Variants in SEMA3A observed in about 807,000 individuals in gnomAD.
SEMA3A encodes the protein semaphorin-3A.
Under a neutral mutation model 97.9 loss-of-function variants are expected in SEMA3A, and 29 were observed. That is an observed-to-expected ratio of 0.30 (90% CI 0.22 to 0.40). SEMA3A has a LOEUF of 0.40. Ranked by LOEUF, SEMA3A falls within the 10% of genes least tolerant of loss-of-function variation. The pLI, the probability that SEMA3A is intolerant of heterozygous loss-of-function variation, is 1.00. For synonymous variants in SEMA3A, 321 were observed against 323.7 expected, an observed-to-expected ratio of 0.99 and a Z score of 0.09; for missense variants, 763 against 951.3, an observed-to-expected ratio of 0.80 and a Z score of 2.60.
intron 3 of SEMA3A, among the ~76,000 whole-genome samples, chr7:84,292,894 T>C (rs1357401245): frequency 6.6e-6 from 1 of 152,122 alleles, no homozygotes; most frequent in Non-Finnish European, 1.5e-5. Flanking sequence ...TGCCCTATTC[T>C]CTGAAAGTTT....
At chr7:84,248,891 ACTGCTCCTCAGAGACTGCAT>A (rs1799536190) in intron 3 of SEMA3A, among the ~76,000 whole-genome samples, 1 of 152,070 alleles carries the variant, frequency 6.6e-6, no homozygotes, top group African/African-American at 2.4e-5. Flanking sequence ...CAGGAAACTT[ACTGCTCCTCAGAGACTGCAT>A]CTTCCCTCAT....
At chr7:84,325,121 AT>A (rs1456140450) in intron 2 of SEMA3A, among the ~76,000 whole-genome samples, 1 of 48,722 alleles carries the variant, frequency 2.1e-5, no homozygotes, top group Non-Finnish European at 5.2e-5. Context: ...ATATATCTCT[AT>A]CTATCTATCT....
In SEMA3A at chr7:83,963,347, T is replaced by C; in HGVS notation, c.1718A>G (p.Asp573Gly). The C allele has an allele frequency of 6.2e-7, 1 of 1,611,800 alleles. No individual in the cohort carries two copies. Among genetic ancestry groups the C allele is most frequent in the Non-Finnish European group, 8.5e-7 (1 of 1,178,904 alleles). The change falls in exon 16 of 17, where the codon GAT becomes GGT. Residue 573 changes from aspartate (D) to glycine (G), a missense_variant and splice_region_variant. Physicochemically the swap from Asp to Gly is moderately conservative, Grantham distance 94. Around this residue, in one of 2 missense-constraint regions of SEMA3A, gnomAD observed 678 missense variants for 881.3 expected, o/e 0.77. Transcript: ENST00000265362. Reference sequence around the variant, plus strand: ...TTCAGGGCTGTGGCCATGGTGATTATCTGGCCAGTGATGAGAAAATGCAAT... The same window carrying C: ...TTCAGGGCTGTGGCCATGGTGATTACCTGGCCAGTGATGAGAAAATGCAAT... ...PLTHCSDLHHDNHHGHSPEER... is the reference protein window; with the variant it reads ...PLTHCSDLHHGNHHGHSPEER...
At chr7:84,340,832 A>G (rs1396663461) in intron 2 of SEMA3A, among the ~76,000 whole-genome samples, 1 of 151,992 alleles carries the variant, frequency 6.6e-6, no homozygotes, top group Non-Finnish European at 1.5e-5. Context: ...AATACATCAA[A>G]GTATACATAT....
intron 1 of SEMA3A, among the ~76,000 whole-genome samples, chr7:84,172,277 C>CAT: frequency 6.6e-6 from 1 of 152,136 alleles, no homozygotes; most frequent in Non-Finnish European, 1.5e-5. Context: ...ATATTGTGTA[C>CAT]ATATATATAA....
Position 83,999,154 on chromosome 7 carries a change from A to G in SEMA3A, c.1452+2801T>C, listed in dbSNP as rs376044250. Reference sequence around the variant, plus strand: ...ATTATAATCTTATGGGACCACTGTCATATGTGGGATTTATTCTTGTCCATA... The same window carrying G: ...ATTATAATCTTATGGGACCACTGTCGTATGTGGGATTTATTCTTGTCCATA... On this transcript the variant is annotated intron_variant, in intron 12 of 16. Transcript: ENST00000265362. Among the ~76,000 whole-genome samples the G allele has an allele frequency of 2.0e-4, 31 of 152,254 alleles. No homozygotes were observed. In the East Asian group the frequency reaches 3.5e-3, roughly 17 times the overall value.
At chr7:84,135,099 A>G (rs994732656) in intron 1 of SEMA3A, 148 bp from the exon 2 acceptor site, 1 of 524,336 alleles carries the variant, frequency 1.9e-6, no homozygotes, top group African/African-American at 2.0e-5. Context: ...TATTGGAACC[A>G]AAATGTGTGC....
At chr7:84,292,618 A>G (rs1223096683) in intron 3 of SEMA3A, among the ~76,000 whole-genome samples, 1 of 152,044 alleles carries the variant, frequency 6.6e-6, no homozygotes, top group African/African-American at 2.4e-5. Context: ...TGTAGGAGGT[A>G]GAAAATGCAC....
Position 84,482,526 on chromosome 7 carries a change from A to G in SEMA3A, c.-246+9934T>C, listed in dbSNP as rs567088016. Among the ~76,000 whole-genome samples the G allele has an allele frequency of 2.5e-3, 385 of 152,294 alleles. 1 individual carries two copies. The highest frequency in any genetic ancestry group is 4.9e-3 in the Non-Finnish European group (336 of 68,026). ...CTGTTCAACCCAGGGCCCTTCCTAA[A>G]AAAACAGTTGGAGTCAGTCTTTAAA... On this transcript the variant is annotated intron_variant, in intron 1 of 3. Coordinates refer to the SEMA3A transcript ENST00000424555.
At chr7:84,006,331 T>C (rs901683552) in intron 10 of SEMA3A, among the ~76,000 whole-genome samples, 1 of 152,078 alleles carries the variant, frequency 6.6e-6, no homozygotes, top group African/African-American at 2.4e-5. Context: ...GTTTCTAACA[T>C]AATGCTAAAA....
intron 1 of SEMA3A, among the ~76,000 whole-genome samples, chr7:84,488,511 T>C (rs1271383113): frequency 6.6e-6 from 1 of 151,814 alleles, no homozygotes; most frequent in African/African-American, 2.4e-5. Flanking sequence ...GGCGGGAATG[T>C]GTTTAGGTGA....
chr7:84,177,451 G>A (rs192555886), intron 1 of SEMA3A, among the ~76,000 whole-genome samples: 368 of 152,124 alleles, frequency 2.4e-3, no homozygotes, highest in Non-Finnish European at 4.5e-3. Flanking sequence ...TGGGCTAAAA[G>A]AGACTACATA....
intron 2 of SEMA3A, among the ~76,000 whole-genome samples, chr7:84,131,874 G>T (rs1795972310): frequency 6.6e-6 from 1 of 152,098 alleles, no homozygotes; most frequent in Admixed American, 6.6e-5. Context: ...CTCACTGCAG[G>T]CTTGACCTCC....
intron 1 of SEMA3A, among the ~76,000 whole-genome samples, chr7:84,148,356 T>G (rs1450065316): frequency 6.6e-6 from 1 of 152,182 alleles, no homozygotes; most frequent in Non-Finnish European, 1.5e-5. Context: ...AAAAGGATTT[T>G]GTTTGAATCA....
In SEMA3A at chr7:84,066,430, G is replaced by T. The variant is rs1212911896; in HGVS notation, c.454-5872C>A. Among the ~76,000 whole-genome samples, 630 of 139,524 alleles carry T rather than the reference G, an allele frequency of 4.5e-3. 2 individuals carry two copies. The highest frequency in any genetic ancestry group is 0.026 in the Middle Eastern group (7 of 274). 91.5% of individuals were successfully genotyped at this position (139,524 alleles called of 152,430 possible). A position where few individuals can be genotyped will look rare whatever the true frequency, so the allele number is the denominator to read the frequency against. Reference sequence around the variant, plus strand: ...TCGAAGTTCTGGCCAGGGCAGTTAGGCAGGAGAAGGAAATAAAGGGTATTC... The same window carrying T: ...TCGAAGTTCTGGCCAGGGCAGTTAGTCAGGAGAAGGAAATAAAGGGTATTC... On this transcript the variant is annotated intron_variant, in intron 4 of 16. Coordinates refer to ENST00000265362, the MANE Select transcript of SEMA3A (RefSeq NM_006080.3).
intron 12 of SEMA3A, among the ~76,000 whole-genome samples, chr7:83,992,631 G>C (rs1044531260): frequency 6.6e-6 from 1 of 151,740 alleles, no homozygotes; most frequent in African/African-American, 2.4e-5. Context: ...GAGTGGTTTT[G>C]AGTGAGATTC....
intron 3 of SEMA3A, among the ~76,000 whole-genome samples, chr7:84,230,203 T>C (rs1295740425): frequency 6.6e-6 from 1 of 152,012 alleles, no homozygotes; most frequent in Non-Finnish European, 1.5e-5. Context: ...CTTTGTTAAT[T>C]GAGTCACTCT....
chr7:84,206,595 T>A (rs1798500643), intron 3 of SEMA3A, among the ~76,000 whole-genome samples: 1 of 152,170 alleles, frequency 6.6e-6, no homozygotes, highest in Non-Finnish European at 1.5e-5. Flanking sequence ...GTGCTGGGAT[T>A]ACAGGCGTGA....
intron 4 of SEMA3A, among the ~76,000 whole-genome samples, chr7:84,070,767 C>G (rs1793710524): frequency 6.6e-6 from 1 of 152,006 alleles, no homozygotes. Context: ...CTGCCTGAGA[C>G]CCCTTCCTTC....
Sources: gnomAD v4.1 joint callset for allele counts (sites outside exome capture counted in the v4.1 genomes callset) on GRCh38, gnomAD v4.1.1 for gene constraint, gnomAD v4.1.1 regional missense constraint, MANE v1.5 for transcripts, NCBI Gene and HGNC (gene_info 2026-07-23, HGNC 2026-07-21) for gene names.